Variants in SBF2 observed in about 807,000 individuals in gnomAD.
The protein encoded by SBF2 is myotubularin-related protein 13.
A neutral mutation model predicts 225.2 loss-of-function variants in SBF2; 112 were observed. The observed-to-expected ratio is 0.50, with a 90% CI of 0.43 to 0.58. The LOEUF is 0.58. Among genes scored for constraint, SBF2 ranks in the 20% least tolerant of loss-of-function variants. SBF2 has a pLI of 0.00. For missense variants in SBF2, 1,996 were observed against 2,206.2 expected (o/e 0.90, Z 1.91); for synonymous variants, 763 against 773.3 (o/e 0.99, Z 0.22).
chr11:10,248,628 T>A (rs891145470), intron 1 of SBF2, among the ~76,000 whole-genome samples: 5 of 152,212 alleles, frequency 3.3e-5, no homozygotes, highest in African/African-American at 1.2e-4. Context: ...GAAAAAACAG[T>A]TTTACATGCA....
chr11:9,877,913 G>A (rs1179481236), intron 17 of SBF2, among the ~76,000 whole-genome samples: 2 of 152,206 alleles, frequency 1.3e-5, no homozygotes, highest in Non-Finnish European at 2.9e-5. Context: ...TATATACCCA[G>A]TAATGGGATC....
At chr11:10,270,812 T>A (rs1962412318) in intron 1 of SBF2, among the ~76,000 whole-genome samples, 1 of 151,810 alleles carries the variant, frequency 6.6e-6, no homozygotes, top group South Asian at 2.1e-4. Flanking sequence ...GCTAACACGC[T>A]GAAACCCCGT....
At chr11:9,833,430 T>TC (rs1394315208) in intron 26 of SBF2, among the ~76,000 whole-genome samples, 4 of 150,968 alleles carry the variant, frequency 2.6e-5, no homozygotes, top group South Asian at 2.1e-4. Flanking sequence ...GATTTTTTTT[T>TC]TTTTTTTTGA....
chr11:10,031,209 TTTCCTAGGTTCATAA>T, intron 3 of SBF2, 39 bp from the exon 4 acceptor site: 1 of 1,607,022 alleles, frequency 6.2e-7, no homozygotes, highest in Non-Finnish European at 8.5e-7. Context: ...ACAGAAGGGA[TTTCCTAGGTTCATAA>T]TTCACAAAAG....
intron 6 of SBF2, among the ~76,000 whole-genome samples, chr11:10,021,790 C>T (rs1948869099): frequency 6.6e-6 from 1 of 152,138 alleles, no homozygotes; most frequent in South Asian, 2.1e-4. Context: ...TGATAATGGC[C>T]TAATATTGGC....
At position 10,175,526 on chromosome 11, in the gene SBF2, C is replaced by G. The variant is rs1056181448; in HGVS notation, c.141+18376G>C. Among the ~76,000 whole-genome samples the G allele has an allele frequency of 9.2e-4, 139 of 151,724 alleles. 2 individuals carry two copies. The East Asian group carries it at 0.026, about 29-fold the overall frequency. ...GATTCATAAAGCAAGTCCTGAGCGA[C>G]CTACAAAGAGACTTAGACTCCCACA... On this transcript the variant is annotated intron_variant, in intron 2 of 39. Transcript: ENST00000256190.
At chr11:9,991,406 TCTGAACCAAAG>T (rs1291449030) in intron 12 of SBF2, among the ~76,000 whole-genome samples, 6 of 152,152 alleles carry the variant, frequency 3.9e-5, no homozygotes, top group Non-Finnish European at 7.4e-5. Flanking sequence ...ATCCTTCTCC[TCTGAACCAAAG>T]ATATTTAAGA....
intron 3 of SBF2, among the ~76,000 whole-genome samples, chr11:10,033,976 T>C (rs1949352326): frequency 6.6e-6 from 1 of 152,196 alleles, no homozygotes; most frequent in African/African-American, 2.4e-5. Flanking sequence ...CTAATAATGC[T>C]AAATTTAATA....
chr11:10,071,001 C>A (rs1950844865), intron 2 of SBF2, among the ~76,000 whole-genome samples: 1 of 152,106 alleles, frequency 6.6e-6, no homozygotes, highest in Admixed American at 6.6e-5. Flanking sequence ...GATTTTTGCA[C>A]ACTGATTTTG....
chr11:9,997,578 ACCATC>A (rs1947759132), intron 9 of SBF2, among the ~76,000 whole-genome samples: 1 of 152,208 alleles, frequency 6.6e-6, no homozygotes, highest in South Asian at 2.1e-4. Flanking sequence ...GGAGATCGAG[ACCATC>A]CTGACTAACA....
At chr11:9,980,826 A>G (rs1946925328) in intron 13 of SBF2, among the ~76,000 whole-genome samples, 3 of 152,138 alleles carry the variant, frequency 2.0e-5, no homozygotes, top group African/African-American at 7.2e-5. Flanking sequence ...TCGGCCTCCC[A>G]AAGTGCTGGG....
At chr11:10,172,792 G>A (rs1368687689) in intron 2 of SBF2, among the ~76,000 whole-genome samples, 4 of 152,016 alleles carry the variant, frequency 2.6e-5, no homozygotes, top group East Asian at 1.9e-4. Flanking sequence ...TCAGCCTCCC[G>A]AGTAGCTGGG....
chr11:10,129,105 T>C (rs1029595406), intron 2 of SBF2, among the ~76,000 whole-genome samples: 20 of 141,746 alleles, frequency 1.4e-4, no homozygotes, highest in East Asian at 8.1e-4. Context: ...TCTCTCTTTT[T>C]TTTTTTTTTT....
At chr11:9,981,255 G>C (rs978704602) in intron 13 of SBF2, among the ~76,000 whole-genome samples, 25 of 152,108 alleles carry the variant, frequency 1.6e-4, no homozygotes, top group African/African-American at 5.8e-4. Context: ...AGCTAAATAA[G>C]TGGTACTCAT....
intron 38 of SBF2, among the ~76,000 whole-genome samples, 165 bp downstream of exon 38, chr11:9,784,186 C>T (rs977919482): frequency 1.3e-5 from 2 of 152,190 alleles, no homozygotes; most frequent in Admixed American, 6.5e-5. Context: ...ATTGCCCTTA[C>T]TCAGGGACAT....
At chr11:9,921,801 T>C (rs1293896227) in intron 16 of SBF2, among the ~76,000 whole-genome samples, 1 of 152,248 alleles carries the variant, frequency 6.6e-6, no homozygotes, top group Non-Finnish European at 1.5e-5. Context: ...ATTGGAGTTA[T>C]TCTGTCTTCA....
intron 13 of SBF2, among the ~76,000 whole-genome samples, chr11:9,984,330 C>T (rs10840339): frequency 0.52 from 79,242 of 151,790 alleles, 21,195 homozygotes; most frequent in Admixed American, 0.62. Flanking sequence ...AAGAAAGAAA[C>T]TCAGAGCTGG....
Position 10,193,898 on chromosome 11 carries a change from T to C in SBF2, c.141+4A>G, listed in dbSNP as rs1957272672. 1.3e-6 allele frequency: 2 copies of C among 1,598,578 alleles called. No homozygotes were observed. Among genetic ancestry groups the C allele is most frequent in the East Asian group, 4.5e-5 (2 of 44,722 alleles). On this transcript the variant is annotated splice_donor_region_variant and intron_variant, in intron 2 of 39. Coordinates refer to ENST00000256190, the MANE Select transcript of SBF2 (RefSeq NM_030962.4). ...AAATATGCAATAATACAACAACCAC[T>C]TACCAACTCAATTCCCTGTGGAAAA...
At chr11:9,852,875 A>AC in intron 20 of SBF2, 126 bp from the exon 21 acceptor site, 1 of 754,026 alleles carries the variant, frequency 1.3e-6, no homozygotes, top group South Asian at 1.4e-5. Context: ...AAAGAGAATT[A>AC]CCATTATGAC....
Sources: gnomAD v4.1 joint callset for allele counts (sites outside exome capture counted in the v4.1 genomes callset) on GRCh38, gnomAD v4.1.1 for gene constraint, MANE v1.5 for transcripts, NCBI Gene and HGNC (gene_info 2026-07-23, HGNC 2026-07-21) for gene names.